The following RBFOX1 variants were observed in gnomAD, a reference collection of about 807,000 sequenced individuals.
The protein encoded by RBFOX1 is RNA binding protein fox-1 homolog 1.
Under a neutral mutation model 57.7 loss-of-function variants are expected in RBFOX1, and 8 were observed. The ratio of observed to expected loss-of-function variants is 0.14; its 90% CI spans 0.08 to 0.25. The LOEUF is 0.25. Ranked by LOEUF, RBFOX1 falls within the 10% of genes least tolerant of loss-of-function variation. RBFOX1 has a pLI of 1.00. For synonymous variants in RBFOX1, 326 were observed against 222.4 expected (o/e 1.47, Z -4.15); for missense variants, 611 against 548.5 (o/e 1.11, Z -1.14).
intron 3 of RBFOX1, chr16:6,723,815 A>G (rs754199018): frequency 2.0e-4 from 30 of 152,106 alleles, no homozygotes; most frequent in Non-Finnish European, 4.0e-4. Context: ...TACGTACTCA[A>G]GATCTTAGCT....
Position 7,646,982 on chromosome 16 carries a change from T to C in RBFOX1, c.758-6833T>C, listed in dbSNP as rs377608223. On this transcript the variant is annotated intron_variant, in intron 11 of 15. Coordinates refer to ENST00000550418, the MANE Select transcript of RBFOX1 (RefSeq NM_018723.4). ...TGAGGGGGAGACAGGCAGTTAGCAGTTGACACTTTAGTAAATGGCCCATTT... is the reference window on the plus strand; with the variant it reads ...TGAGGGGGAGACAGGCAGTTAGCAGCTGACACTTTAGTAAATGGCCCATTT... 6.6e-5 allele frequency among the ~76,000 whole-genome samples: 10 copies of C among 152,170 alleles called. No homozygotes were observed. The East Asian group carries it at 1.3e-3, about 21-fold the overall frequency.
At chr16:6,273,581 G>A (rs1393612786) in intron 1 of RBFOX1, among the ~76,000 whole-genome samples, 1 of 151,886 alleles carries the variant, frequency 6.6e-6, no homozygotes, top group Non-Finnish European at 1.5e-5. Flanking sequence ...TCTGACCTCA[G>A]GTGATCCGCC....
At chr16:5,667,267 A>T (rs1363538421) in intron 3 of RBFOX1, among the ~76,000 whole-genome samples, 1 of 152,134 alleles carries the variant, frequency 6.6e-6, no homozygotes, top group African/African-American at 2.4e-5. Flanking sequence ...TCCTGAGTTC[A>T]AGCTATAGCT....
chr16:5,713,990 A>C (rs1460694183), intron 3 of RBFOX1, among the ~76,000 whole-genome samples: 1 of 152,174 alleles, frequency 6.6e-6, no homozygotes, highest in Non-Finnish European at 1.5e-5. Flanking sequence ...AGGTTTTAGG[A>C]AGCTCACTCA....
At chr16:7,376,842 G>A (rs9938393) in intron 4 of RBFOX1, among the ~76,000 whole-genome samples, 94 of 152,260 alleles carry the variant, frequency 6.2e-4, no homozygotes, top group African/African-American at 2.0e-3. Context: ...GTTAAAAGTC[G>A]TGGTCATCTC....
chr16:5,665,622 G>A lies in RBFOX1; in HGVS notation c.318+66661G>A, dbSNP rs141542824. On this transcript the variant is annotated intron_variant, in intron 3 of 19. Transcript: ENST00000641259. ...TCAGAGAACCAGCGCCTGGTTCAGTGTTTGGCAGATAGTTGGCACTCAGTT... is the reference window on the plus strand; with the variant it reads ...TCAGAGAACCAGCGCCTGGTTCAGTATTTGGCAGATAGTTGGCACTCAGTT... 7.4e-3 allele frequency among the ~76,000 whole-genome samples: 1,130 copies of A among 152,314 alleles called. 12 individuals are homozygous for A. Among genetic ancestry groups the A allele is most frequent in the African/African-American group, 0.025 (1,053 of 41,558 alleles).
intron 3 of RBFOX1, chr16:5,611,285 C>T (rs1004893874): frequency 3.3e-5 from 5 of 152,204 alleles, no homozygotes; most frequent in Non-Finnish European, 4.4e-5. Flanking sequence ...GCTCCACTTA[C>T]TTCCTTCATC....
At chr16:5,612,540 A>G (rs2047862966) in intron 3 of RBFOX1, among the ~76,000 whole-genome samples, 1 of 152,248 alleles carries the variant, frequency 6.6e-6, no homozygotes, top group Non-Finnish European at 1.5e-5. Flanking sequence ...AATGGCTCTG[A>G]GAAAGGTTTT....
chr16:6,567,454 A>G (rs946759177), intron 2 of RBFOX1, among the ~76,000 whole-genome samples: 3 of 152,128 alleles, frequency 2.0e-5, no homozygotes, highest in Non-Finnish European at 2.9e-5. Context: ...CTCTTCTCAA[A>G]TATCTCTCAT....
At chr16:7,410,009 C>T (rs958569556) in intron 4 of RBFOX1, among the ~76,000 whole-genome samples, 3 of 152,164 alleles carry the variant, frequency 2.0e-5, no homozygotes, top group African/African-American at 4.8e-5. Context: ...TGGATGGCTG[C>T]AATACCAGGG....
intron 4 of RBFOX1, among the ~76,000 whole-genome samples, chr16:7,173,087 G>A (rs1383844561): frequency 6.6e-6 from 1 of 152,156 alleles, no homozygotes; most frequent in African/African-American, 2.4e-5. Flanking sequence ...GAGTTCAGAA[G>A]AAAGACTAGG....
At chr16:6,621,046 C>T (rs2098222513) in intron 2 of RBFOX1, among the ~76,000 whole-genome samples, 1 of 152,212 alleles carries the variant, frequency 6.6e-6, no homozygotes, top group Admixed American at 6.5e-5. Context: ...CTTTTAGCTC[C>T]AGGGGACTGC....
intron 1 of RBFOX1, among the ~76,000 whole-genome samples, chr16:5,465,866 A>T (rs557946268): frequency 2.0e-5 from 3 of 152,140 alleles, no homozygotes; most frequent in African/African-American, 4.8e-5. Flanking sequence ...GAATGGCCAG[A>T]TATGTTGTGC....
Position 6,706,522 on chromosome 16 carries a change from A to G in RBFOX1, c.-16+51872A>G, listed in dbSNP as rs556521134. ...GGATCACTTACTTTGCAGCCGTGTT[A>G]ATTGTATCTTTCTGTGCATGGGGAC... is the stretch of plus-strand genomic sequence containing the variant. On this transcript the variant is annotated intron_variant, in intron 3 of 15. Coordinates refer to ENST00000550418, the MANE Select transcript of RBFOX1 (RefSeq NM_018723.4). 2.6e-5 allele frequency among the ~76,000 whole-genome samples: 4 copies of G among 152,252 alleles called. No homozygotes were observed. In the South Asian group the frequency reaches 8.3e-4, roughly 32 times the overall value.
At chr16:6,962,027 C>G (rs1217247202) in intron 3 of RBFOX1, among the ~76,000 whole-genome samples, 1 of 152,148 alleles carries the variant, frequency 6.6e-6, no homozygotes, top group East Asian at 1.9e-4. Flanking sequence ...TACCCAGCCC[C>G]TATTCAAGAT....
intron 3 of RBFOX1, among the ~76,000 whole-genome samples, chr16:6,864,949 C>T (rs1603634016): frequency 6.7e-6 from 1 of 149,560 alleles, no homozygotes; most frequent in South Asian, 2.1e-4. Flanking sequence ...AAAATAAGCC[C>T]TGTTCCTCAA....
chr16:5,555,071 A>C (rs1489359399), intron 2 of RBFOX1, among the ~76,000 whole-genome samples: 2 of 151,590 alleles, frequency 1.3e-5, no homozygotes, highest in East Asian at 3.9e-4. Flanking sequence ...TAATAAATGT[A>C]CTCTTTTGTG....
intron 2 of RBFOX1, among the ~76,000 whole-genome samples, chr16:6,643,343 C>G (rs1025487441): frequency 1.3e-5 from 2 of 152,132 alleles, no homozygotes; most frequent in Non-Finnish European, 2.9e-5. Context: ...TGAATAAAAT[C>G]TATCACTGCA....
chr16:6,285,330 A>C (rs8062427), intron 1 of RBFOX1, among the ~76,000 whole-genome samples: 1 of 151,976 alleles, frequency 6.6e-6, no homozygotes, highest in Non-Finnish European at 1.5e-5. Context: ...TTAAGACTAT[A>C]TCTGGAAGTA....
Sources: allele counts gnomAD v4.1 joint callset (sites outside exome capture counted in the v4.1 genomes callset), GRCh38; gene constraint gnomAD v4.1.1; transcripts MANE v1.5; gene names NCBI Gene and HGNC (gene_info 2026-07-23, HGNC 2026-07-21).